PIGV: variants seen among roughly 807,000 people sequenced by gnomAD.
The protein encoded by PIGV is GPI alpha-1,6-mannosyltransferase 2.
In PIGV, 27 loss-of-function variants were observed where a neutral mutation model predicts 39.2. The ratio of observed to expected loss-of-function variants is 0.69; its 90% confidence interval spans 0.51 to 0.95. The LOEUF (loss-of-function observed/expected upper bound fraction) is 0.95. Ranked by LOEUF, PIGV falls within the 40% of genes least tolerant of loss-of-function variation. The probability of loss-of-function intolerance (pLI) is 0.00; values close to 1 mark genes in which losing one functional copy is unlikely to be tolerated. For synonymous variants in PIGV, 232 were observed against 241.7 expected (o/e 0.96, Z 0.37); for missense variants, 523 against 586.4 (o/e 0.89, Z 1.12).
At position 26,799,111 on chromosome 1, in the gene PIGV, ACTC is replaced by A. The variant is rs1003200982; in HGVS notation, c.*1275_*1277del. 1.3e-5 allele frequency among the ~76,000 whole-genome samples: 2 copies of A among 152,122 alleles called. No individual in the cohort carries two copies. Among genetic ancestry groups the A allele is most frequent in the African/African-American group, 4.8e-5 (2 of 41,414 alleles). On this transcript the variant is annotated 3_prime_UTR_variant, in exon 4 of 4. Transcript: ENST00000674202. The stretch of plus-strand genomic sequence containing the variant: ...CTCCTGTTTTCAGCAATTAGAAGAA[ACTC>A]CTCCTCCACCGAGTGCAACTCTTGG...
Position 26,794,633 on chromosome 1 carries a change from C to G in PIGV, c.599C>G (p.Thr200Ser). The G allele has an allele frequency of 6.2e-7, 1 of 1,614,226 alleles. No individual in the cohort carries two copies. The highest frequency in any genetic ancestry group is 8.5e-7 in the Non-Finnish European group (1 of 1,180,042). ...AGTGTACTCCTCTTTGCCTTTGCCA[C>G]TGGGGTACGCTCCAACGGGCTGGTC... ...WTSVLLFAFATGVRSNGLVSV... is the reference protein window; with the variant it reads ...WTSVLLFAFASGVRSNGLVSV... Residue 200 changes from threonine to serine, a missense_variant, in exon 3 of 4, where the codon ACT becomes AGT. Transcript: ENST00000674202.
At position 26,797,621 on chromosome 1, in the gene PIGV, T is replaced by G; in HGVS notation, c.1259T>G (p.Leu420Trp). The G allele has an allele frequency of 6.2e-7, 1 of 1,614,182 alleles. No homozygotes were observed. Among genetic ancestry groups the G allele is most frequent in the Non-Finnish European group, 8.5e-7 (1 of 1,180,014 alleles). ...ATTATGTACTGGTTTCCAGCTCACT[T>G]GCTTCAGGATCAAGAGCCGCTGTTG... ...TPIMYWFPAHLLQDQEPLLRS... is the reference protein window; with the variant it reads ...TPIMYWFPAHWLQDQEPLLRS... Residue 420 changes from leucine (L) to tryptophan (W), a missense_variant, in exon 4 of 4, where the codon TTG (leucine) becomes TGG (tryptophan). Leu to Trp is a moderately conservative substitution (Grantham distance 61). Coordinates refer to ENST00000674202, the MANE Select transcript of PIGV (RefSeq NM_017837.4).
rs997788862 is a variant in PIGV, at chr1:26,794,743, C to G, written c.709C>G (p.Leu237Val). 12 of 1,614,112 alleles carry G rather than the reference C, an allele frequency of 7.4e-6. No homozygotes were observed. The African/African-American group carries it at 1.2e-4, about 16-fold the overall frequency. Residue 237 changes from leucine to valine, a missense_variant, in exon 3 of 4, where the codon CTG (leucine) becomes GTG (valine). Coordinates refer to ENST00000674202, the MANE Select transcript of PIGV (RefSeq NM_017837.4). ...GAATCCTCTGAGACAGCTCTTTAAG[C>G]TGATGGCCTCTCTGTTTCTGTCGGT... ...MLNPLRQLFK[L>V]MASLFLSVFT...
In PIGV at chr1:26,797,773, A is replaced by G. The variant is rs749320195; in HGVS notation, c.1411A>G (p.Ile471Val). 6.2e-7 allele frequency: 1 copy of G among 1,614,090 alleles called. No individual in the cohort carries two copies. ...AACCTGTTCTCCAGTCACACGATAC[A>G]TTCTAGGCTACTTCCTGACTTACTG... ...WKTCSPVTRY[I>V]LGYFLTYWLL... The change falls in exon 4 of 4, where the codon ATT (isoleucine) becomes GTT (valine). Residue 471 changes from isoleucine (I) to valine (V), a missense_variant. Transcript: ENST00000674202.
At position 26,798,148 on chromosome 1, in the gene PIGV, C is replaced by G; in HGVS notation, c.*304C>G. The G allele has an allele frequency of 4.9e-6, 2 of 406,518 alleles. No individual in the cohort carries two copies. Among genetic ancestry groups the G allele is most frequent in the South Asian group, 4.7e-5 (2 of 42,552 alleles). The allele number at this position is 406,518 out of a possible 1,614,324, so 25.2% of individuals were successfully genotyped here. A position where few individuals can be genotyped will look rare whatever the true frequency, so the allele number is the denominator to read the frequency against. ...CATAGCAGAGACAGTCTTAAACCTA[C>G]CATTGACCTGTGTGTAAATTTAAAT... On this transcript the variant is annotated 3_prime_UTR_variant, in exon 4 of 4. Coordinates refer to ENST00000674202, the MANE Select transcript of PIGV (RefSeq NM_017837.4).
At chr1:26,788,751 T>A (rs1052415588) in intron 1 of PIGV, 1 of 152,206 alleles carries the variant, frequency 6.6e-6, no homozygotes, top group Non-Finnish European at 1.5e-5. Context: ...AGCCTCACAG[T>A]GTCTGATGAG....
At chr1:26,793,872 G>A (rs2081344006) in intron 2 of PIGV, among the ~76,000 whole-genome samples, 1 of 152,040 alleles carries the variant, frequency 6.6e-6, no homozygotes, top group Non-Finnish European at 1.5e-5. Context: ...GCCTCCCAAA[G>A]TGCCGGGATA....
rs936075782 is a variant in PIGV at position 26,798,809 on chromosome 1, G to A, written c.*965G>A. ...TATAAATCAGCTGGGGGAAAAAAGG[G>A]TAAGAAGAAGGCATCAGGAACCCTG... On this transcript the variant is annotated 3_prime_UTR_variant, in exon 4 of 4. Coordinates refer to ENST00000674202, the MANE Select transcript of PIGV (RefSeq NM_017837.4). Among the ~76,000 whole-genome samples the A allele has an allele frequency of 4.6e-5, 7 of 152,194 alleles. No individual in the cohort carries two copies. The highest frequency in any genetic ancestry group is 8.8e-5 in the Non-Finnish European group (6 of 68,032).
Position 26,794,540 on chromosome 1 carries a change from C to T in PIGV, c.506C>T (p.Ser169Leu), listed in dbSNP as rs1472708398. 1 of 1,614,250 alleles carries T rather than the reference C, an allele frequency of 6.2e-7. No homozygotes were observed. Among genetic ancestry groups the T allele is most frequent in the Non-Finnish European group, 8.5e-7 (1 of 1,180,050 alleles). ...PANVFLAAGY[S>L]EALFALLTFS... ...AATGTCTTCCTGGCAGCTGGTTACT[C>T]AGAAGCTTTGTTTGCCCTCCTGACA... Residue 169 changes from serine (S) to leucine (L), a missense_variant, in exon 3 of 4, where the codon TCA (serine) becomes TTA (leucine). Physicochemically the swap from Ser to Leu is moderately radical, Grantham distance 145. Coordinates refer to ENST00000674202, the MANE Select transcript of PIGV (RefSeq NM_017837.4).
chr1:26,795,299 G>C, intron 3 of PIGV, 65 bp downstream of exon 3: 1 of 1,580,704 alleles, frequency 6.3e-7, no homozygotes, highest in South Asian at 1.1e-5. Context: ...CCAAGGACAG[G>C]GAAGGCAGCT....
chr1:26,797,639 C>A lies in PIGV; in HGVS notation c.1277C>A (p.Pro426Gln). The change falls in exon 4 of 4, where the codon CCG becomes CAG. Residue 426 changes from proline to glutamine, a missense_variant. Pro to Gln is a moderately conservative substitution (Grantham distance 76, BLOSUM62 -1). Coordinates refer to ENST00000674202, the MANE Select transcript of PIGV (RefSeq NM_017837.4). ...GCTCACTTGCTTCAGGATCAAGAGCCGCTGTTGAGATCCTTAAAGACTGTG... is the reference window on the plus strand; with the variant it reads ...GCTCACTTGCTTCAGGATCAAGAGCAGCTGTTGAGATCCTTAAAGACTGTG... ...FPAHLLQDQE[P>Q]LLRSLKTVPW... 6.2e-7 allele frequency: 1 copy of A among 1,613,940 alleles called. No homozygotes were observed. Among genetic ancestry groups the A allele is most frequent in the Non-Finnish European group, 8.5e-7 (1 of 1,179,832 alleles).
Position 26,790,843 on chromosome 1 carries a change from G to C in PIGV, c.28G>C (p.Glu10Gln). 3 of 1,614,134 alleles carry C rather than the reference G, an allele frequency of 1.9e-6. No homozygotes were observed. The highest frequency in any genetic ancestry group is 2.5e-6 in the Non-Finnish European group (3 of 1,180,000). Reference sequence around the variant, plus strand: ...GTGGCCCCAGGACCCATCCCGGAAGGAGGTGCTGAGGTTTGCAGTCAGCTG... The same window carrying C: ...GTGGCCCCAGGACCCATCCCGGAAGCAGGTGCTGAGGTTTGCAGTCAGCTG... MWPQDPSRKEVLRFAVSCRI... is the reference protein window; with the variant it reads MWPQDPSRKQVLRFAVSCRI... Residue 10 changes from glutamate (E) to glutamine (Q), a missense_variant, in exon 2 of 4, where the codon GAG becomes CAG. Physicochemically the swap from Glu to Gln is conservative, Grantham distance 29. Transcript: ENST00000674202.
chr1:26,790,992 C>A, intron 2 of PIGV, 99 bp downstream of exon 2: 2 of 1,002,902 alleles, frequency 2.0e-6, no homozygotes. Flanking sequence ...CAGGTGTGCC[C>A]CTCCATGTGG....
chr1:26,795,737 T>TA (rs1201491771), intron 3 of PIGV, among the ~76,000 whole-genome samples: 4 of 143,632 alleles, frequency 2.8e-5, no homozygotes, highest in African/African-American at 1.0e-4. Context: ...AAAAAAAAAT[T>TA]ACTGCCTTGG....
At position 26,798,132 on chromosome 1, in the gene PIGV, G is replaced by C. The variant is rs2081410571; in HGVS notation, c.*288G>C. On this transcript the variant is annotated 3_prime_UTR_variant, in exon 4 of 4. Transcript: ENST00000674202. Reference sequence around the variant, plus strand: ...CTGTCTAGTCAATCAACATAGCAGAGACAGTCTTAAACCTACCATTGACCT... The same window carrying C: ...CTGTCTAGTCAATCAACATAGCAGACACAGTCTTAAACCTACCATTGACCT... 4.5e-6 allele frequency: 2 copies of C among 448,786 alleles called. No homozygotes were observed. Among genetic ancestry groups the C allele is most frequent in the Admixed American group, 7.0e-5 (2 of 28,726 alleles). The allele number at this position is 448,786 out of a possible 1,614,324, so 27.8% of individuals were successfully genotyped here. A position where few individuals can be genotyped will look rare whatever the true frequency, so the allele number is the denominator to read the frequency against.
upstream of PIGV, chr1:26,787,847 C>G (rs923492877): frequency 2.6e-5 from 4 of 152,332 alleles, no homozygotes; most frequent in African/African-American, 9.6e-5. Flanking sequence ...GCGGCGACCC[C>G]CATCCCGCTC....
chr1:26,797,796 C>G lies in PIGV; in HGVS notation c.1434C>G (p.Tyr478Ter). ...ACATTCTAGGCTACTTCCTGACTTA[C>G]TGGCTCCTGGGACTACTCCTACATT... ...TRYILGYFLT[Y>*]WLLGLLLHCN... The change falls in exon 4 of 4, where the codon TAC becomes TAG. Residue 478 changes from tyrosine (Y) to a stop codon, truncating the protein, a stop_gained. Transcript: ENST00000674202. LOFTEE classifies it high-confidence loss of function. 3.7e-6 allele frequency: 6 copies of G among 1,614,140 alleles called. No homozygotes were observed. Among genetic ancestry groups the G allele is most frequent in the Non-Finnish European group, 5.1e-6 (6 of 1,179,966 alleles).
At chr1:26,792,174 CAG>C (rs1285696584) in intron 2 of PIGV, among the ~76,000 whole-genome samples, 1 of 151,806 alleles carries the variant, frequency 6.6e-6, no homozygotes, top group Admixed American at 6.6e-5. Context: ...TTTTTTGAGA[CAG>C]AGTCTCGCCC....
At chr1:26,790,655 G>A (rs1382042730) in intron 1 of PIGV, 104 bp from the exon 2 acceptor site, 1 of 650,902 alleles carries the variant, frequency 1.5e-6, no homozygotes. Flanking sequence ...TAGGTGGTTG[G>A]TTAAGTTTGT....
Sources: allele counts gnomAD v4.1 joint callset (sites outside exome capture counted in the v4.1 genomes callset), GRCh38; gene constraint gnomAD v4.1.1; transcripts MANE v1.5; gene names NCBI Gene and HGNC (gene_info 2026-07-23, HGNC 2026-07-21).